The following BTBD9 variants were observed in gnomAD, a reference collection of about 807,000 sequenced individuals.
The protein encoded by BTBD9 is BTB domain containing 9.
BTBD9 carries 49 observed loss-of-function variants against 64.3 expected under a neutral mutation model. The ratio of observed to expected loss-of-function variants is 0.76; its 90% CI spans 0.61 to 0.97. BTBD9 has a LOEUF of 0.97. BTBD9 is among the 50% of genes least tolerant of loss of function. BTBD9 has a pLI of 0.00. For missense variants in BTBD9, 598 were observed against 762.1 expected (o/e 0.78, Z 2.53); for synonymous variants, 260 against 274.7 (o/e 0.95, Z 0.53).
At chr6:38,424,284 C>T (rs1479159393) in intron 6 of BTBD9, among the ~76,000 whole-genome samples, 5 of 151,806 alleles carry the variant, frequency 3.3e-5, no homozygotes, top group Non-Finnish European at 7.4e-5. Flanking sequence ...ACTGAAAATT[C>T]ATCATACAAG....
intron 1 of BTBD9, among the ~76,000 whole-genome samples, chr6:38,607,982 C>T (rs1360633334): frequency 3.3e-5 from 5 of 152,106 alleles, no homozygotes; most frequent in African/African-American, 9.7e-5. Flanking sequence ...AATCCTGAAA[C>T]TTCCTTCTTC....
At chr6:38,294,045 T>G (rs1217752884) in intron 7 of BTBD9, among the ~76,000 whole-genome samples, 2 of 151,716 alleles carry the variant, frequency 1.3e-5, no homozygotes, top group East Asian at 3.9e-4. Flanking sequence ...AGAAGACATT[T>G]ATGCCAACAA....
At chr6:38,522,849 T>C (rs569052742) in intron 6 of BTBD9, among the ~76,000 whole-genome samples, 13 of 151,808 alleles carry the variant, frequency 8.6e-5, no homozygotes, top group Non-Finnish European at 1.2e-4. Flanking sequence ...AGATACCAAG[T>C]GTGGGGAGAC....
At chr6:38,400,591 A>G (rs1766886018) in intron 6 of BTBD9, among the ~76,000 whole-genome samples, 1 of 151,910 alleles carries the variant, frequency 6.6e-6, no homozygotes, top group South Asian at 2.1e-4. Context: ...TCTCTGACCA[A>G]TCCTTCTCAG....
In BTBD9 at chr6:38,363,642, T is replaced by C. The variant is rs72851439; in HGVS notation, c.1155-18549A>G. Among the ~76,000 whole-genome samples, 367 of 152,298 alleles carry C rather than the reference T, an allele frequency of 2.4e-3. 1 individual carries two copies. Among genetic ancestry groups the C allele is most frequent in the Non-Finnish European group, 4.3e-3 (294 of 68,018 alleles). On this transcript the variant is annotated intron_variant, in intron 6 of 10. Coordinates refer to ENST00000481247, the MANE Select transcript of BTBD9 (RefSeq NM_001099272.2). Reference sequence around the variant, plus strand: ...ATACACTCCAATTCTATTGGCAGGATTGTATTTATCATAACTACTTTGGGA... The same window carrying C: ...ATACACTCCAATTCTATTGGCAGGACTGTATTTATCATAACTACTTTGGGA...
chr6:38,406,667 A>G (rs1032743818), intron 6 of BTBD9, among the ~76,000 whole-genome samples: 2 of 152,226 alleles, frequency 1.3e-5, no homozygotes, highest in Non-Finnish European at 2.9e-5. Flanking sequence ...CTAAATTTCT[A>G]CAGGTATCGT....
At chr6:38,262,169 A>T (rs1172252486) in intron 8 of BTBD9, among the ~76,000 whole-genome samples, 1 of 152,192 alleles carries the variant, frequency 6.6e-6, no homozygotes, top group Non-Finnish European at 1.5e-5. Context: ...CTAGCTGGGA[A>T]TGTTTGCATG....
chr6:38,257,543 C>T (rs747745806), intron 8 of BTBD9, among the ~76,000 whole-genome samples: 2 of 144,450 alleles, frequency 1.4e-5, no homozygotes, highest in Non-Finnish European at 3.1e-5. Flanking sequence ...AACCCCATCA[C>T]CTTTATTATC....
intron 6 of BTBD9, among the ~76,000 whole-genome samples, chr6:38,457,817 T>C (rs1769887811): frequency 6.6e-6 from 1 of 152,226 alleles, no homozygotes; most frequent in African/African-American, 2.4e-5. Flanking sequence ...ATTATCAGTT[T>C]ACATGTCTCT....
intron 6 of BTBD9, among the ~76,000 whole-genome samples, chr6:38,442,085 C>T (rs564554444): frequency 6.6e-6 from 1 of 152,228 alleles, no homozygotes; most frequent in South Asian, 2.1e-4. Context: ...CACAGAAATA[C>T]ATATAACAAA....
intron 6 of BTBD9, among the ~76,000 whole-genome samples, chr6:38,454,470 A>G (rs1368328161): frequency 7.2e-6 from 1 of 138,954 alleles, no homozygotes; most frequent in Non-Finnish European, 1.6e-5. Flanking sequence ...TAATTATCTT[A>G]AATATAGGGC....
At chr6:38,571,995 C>A (rs1178296720) in intron 6 of BTBD9, among the ~76,000 whole-genome samples, 10 of 151,528 alleles carry the variant, frequency 6.6e-5, no homozygotes, top group Admixed American at 6.6e-5. Context: ...CACACACACA[C>A]AAAACCAAAA....
chr6:38,569,437 G>C (rs913513694), intron 6 of BTBD9, among the ~76,000 whole-genome samples: 1 of 152,128 alleles, frequency 6.6e-6, no homozygotes, highest in Non-Finnish European at 1.5e-5. Flanking sequence ...ACTTAATCCT[G>C]GGCCTAACTG....
intron 6 of BTBD9, among the ~76,000 whole-genome samples, chr6:38,437,844 C>CT (rs1022459494): frequency 1.3e-4 from 19 of 151,794 alleles, no homozygotes; most frequent in African/African-American, 4.6e-4. Context: ...GTGGTCAAGT[C>CT]TTTTTTCTGG....
chr6:38,493,565 A>AGCAC (rs1373279608), intron 6 of BTBD9, among the ~76,000 whole-genome samples: 16 of 152,342 alleles, frequency 1.1e-4, no homozygotes, highest in African/African-American at 3.6e-4. Flanking sequence ...TCATTGCTAC[A>AGCAC]TTCATTTTGG....
At chr6:38,471,672 A>C (rs903774714) in intron 6 of BTBD9, among the ~76,000 whole-genome samples, 1 of 152,132 alleles carries the variant, frequency 6.6e-6, no homozygotes, top group Non-Finnish European at 1.5e-5. Context: ...GGTATGAGCC[A>C]CTGTGCCCAC....
intron 6 of BTBD9, among the ~76,000 whole-genome samples, chr6:38,461,058 G>A (rs187394473): frequency 6.6e-6 from 1 of 152,294 alleles, no homozygotes; most frequent in East Asian, 1.9e-4. Context: ...GGCGTTTCAC[G>A]CTCACTCTGT....
chr6:38,357,363 T>G (rs1764765914), intron 6 of BTBD9, among the ~76,000 whole-genome samples: 1 of 152,200 alleles, frequency 6.6e-6, no homozygotes, highest in Non-Finnish European at 1.5e-5. Context: ...ATCTTTCTCT[T>G]CCACATCTTT....
chr6:38,556,238 G>T (rs1350402075), intron 6 of BTBD9, among the ~76,000 whole-genome samples: 1 of 152,054 alleles, frequency 6.6e-6, no homozygotes, highest in Non-Finnish European at 1.5e-5. Context: ...TGTCTGCATG[G>T]CCTATCATCA....
Sources: gnomAD v4.1 joint callset for allele counts (sites outside exome capture counted in the v4.1 genomes callset) on GRCh38, gnomAD v4.1.1 for gene constraint, MANE v1.5 for transcripts, NCBI Gene and HGNC (gene_info 2026-07-23, HGNC 2026-07-21) for gene names.